ATP11B: variants seen among roughly 807,000 people sequenced by gnomAD.
ATP11B encodes phospholipid-transporting ATPase IF.
Under a neutral mutation model 157.8 loss-of-function variants are expected in ATP11B, and 81 were observed. The observed-to-expected ratio is 0.51, with a 90% CI of 0.43 to 0.62. ATP11B has a LOEUF of 0.62. Among genes scored for constraint, ATP11B ranks in the 20% least tolerant of loss-of-function variants. ATP11B has a pLI of 0.00. For missense variants in ATP11B, 1,165 were observed against 1,402.2 expected (o/e 0.83, Z 2.70); for synonymous variants, 451 against 469.4 (o/e 0.96, Z 0.51).
At chr3:182,844,994 A>T (rs9834610) in intron 8 of ATP11B, among the ~76,000 whole-genome samples, 69,559 of 109,696 alleles carry the variant, frequency 0.63, 20,730 homozygotes, top group Non-Finnish European at 0.71. Context: ...TTTTTTTTTT[A>T]TTTTTTTTTT....
At chr3:182,835,481 A>G (rs1718479355) in intron 4 of ATP11B, among the ~76,000 whole-genome samples, 1 of 152,220 alleles carries the variant, frequency 6.6e-6, no homozygotes, top group African/African-American at 2.4e-5. Context: ...ATTTCTGGCA[A>G]GAACAGCTTG....
At chr3:182,874,735 TA>T (rs1162311192) in intron 19 of ATP11B, among the ~76,000 whole-genome samples, 1 of 152,194 alleles carries the variant, frequency 6.6e-6, no homozygotes, top group African/African-American at 2.4e-5. Context: ...GAACCCCAAT[TA>T]AACAAAGTAC....
At chr3:182,815,414 A>G (rs1012315376) in intron 1 of ATP11B, among the ~76,000 whole-genome samples, 8 of 152,194 alleles carry the variant, frequency 5.3e-5, no homozygotes, top group African/African-American at 1.9e-4. Flanking sequence ...TCTAGGAAAT[A>G]GTAATTCACA....
chr3:182,862,600 T>G (rs1720927959), intron 12 of ATP11B, among the ~76,000 whole-genome samples: 2 of 152,176 alleles, frequency 1.3e-5, no homozygotes, highest in South Asian at 4.1e-4. Flanking sequence ...TCCTGATAGC[T>G]TGTATTTTCA....
At chr3:182,835,984 T>C in intron 4 of ATP11B, 51 bp from the exon 5 acceptor site, 2 of 1,451,610 alleles carry the variant, frequency 1.4e-6, no homozygotes, top group Non-Finnish European at 1.9e-6. Flanking sequence ...TTGATAAAAG[T>C]ATCTTCAAAT....
At chr3:182,826,808 A>T (rs1031509740) in intron 2 of ATP11B, among the ~76,000 whole-genome samples, 1 of 152,104 alleles carries the variant, frequency 6.6e-6, no homozygotes, top group Non-Finnish European at 1.5e-5. Flanking sequence ...AAGGTTGTTC[A>T]TGTGGGAAAC....
At chr3:182,915,767 C>G in intron 29 of ATP11B, 1 of 984,956 alleles carries the variant, frequency 1.0e-6, no homozygotes, top group Non-Finnish European at 1.2e-6. Context: ...TGAACCTGCC[C>G]CAGGAGTTAT....
intron 1 of ATP11B, among the ~76,000 whole-genome samples, chr3:182,811,360 C>T (rs1051368239): frequency 1.3e-5 from 2 of 152,110 alleles, no homozygotes; most frequent in South Asian, 2.1e-4. Context: ...GCAAACATGG[C>T]GTCTGGAAGT....
At chr3:182,862,908 A>G (rs933796119) in intron 12 of ATP11B, among the ~76,000 whole-genome samples, 2 of 147,924 alleles carry the variant, frequency 1.4e-5, no homozygotes, top group Non-Finnish European at 3.0e-5. Flanking sequence ...AAGTTGATCC[A>G]TTTATTTATT....
At chr3:182,818,808 C>T (rs866821952) in intron 1 of ATP11B, among the ~76,000 whole-genome samples, 1 of 151,170 alleles carries the variant, frequency 6.6e-6, no homozygotes, top group Admixed American at 6.6e-5. Flanking sequence ...TAAATTAGAG[C>T]GTTTACTAAT....
intron 1 of ATP11B, among the ~76,000 whole-genome samples, chr3:182,808,489 G>T (rs1560056237): frequency 6.6e-6 from 1 of 152,124 alleles, no homozygotes; most frequent in Non-Finnish European, 1.5e-5. Flanking sequence ...AAAAGCTGAA[G>T]TATCTTAGGA....
At chr3:182,870,369 T>C (rs1317208799) in intron 17 of ATP11B, among the ~76,000 whole-genome samples, 1 of 152,224 alleles carries the variant, frequency 6.6e-6, no homozygotes, top group East Asian at 1.9e-4. Context: ...GAATGTGTGC[T>C]CCACACTCAC....
chr3:182,849,486 C>T (rs1270282604), intron 10 of ATP11B, among the ~76,000 whole-genome samples: 6 of 152,062 alleles, frequency 3.9e-5, no homozygotes, highest in South Asian at 2.1e-4. Context: ...ATTTAGCAGA[C>T]GAGAACTTTA....
intron 8 of ATP11B, 75 bp from the exon 9 acceptor site, chr3:182,845,383 G>C: frequency 7.9e-7 from 1 of 1,264,046 alleles, no homozygotes; most frequent in Non-Finnish European, 1.1e-6. Flanking sequence ...AGTACCTTCT[G>C]CTGAAGATGC....
chr3:182,916,093 G>A (rs955154210), intron 29 of ATP11B: 5 of 985,126 alleles, frequency 5.1e-6, no homozygotes, highest in Admixed American at 6.2e-5. Flanking sequence ...CTTTTCAAGG[G>A]CTATGTGAAA....
Position 182,919,900 on chromosome 3 carries a change from A to G in ATP11B, c.*1796A>G, listed in dbSNP as rs145566858. 3.3e-3 allele frequency: 507 copies of G among 152,358 alleles called. 4 individuals are homozygous for G. The highest frequency in any genetic ancestry group is 0.012 in the African/African-American group (494 of 41,588). The allele number at this position is 152,358 out of a possible 1,614,324, so 9.4% of individuals were successfully genotyped here. ...GAAGATCTGTTATTCTGGAAGTACTAAAAAGAATAATACAACGTACAATGT... is the reference window on the plus strand; with the variant it reads ...GAAGATCTGTTATTCTGGAAGTACTGAAAAGAATAATACAACGTACAATGT... On this transcript the variant is annotated 3_prime_UTR_variant, in exon 30 of 30. Transcript: ENST00000323116.
intron 4 of ATP11B, among the ~76,000 whole-genome samples, chr3:182,835,256 A>G (rs1327978531): frequency 6.6e-6 from 1 of 152,182 alleles, no homozygotes; most frequent in Non-Finnish European, 1.5e-5. Context: ...TCAAGGGTCA[A>G]CTGTACTAAT....
Position 182,897,420 on chromosome 3 carries a change from T to C in ATP11B, c.3152+14T>C, listed in dbSNP as rs35968538. On this transcript the variant is annotated intron_variant, in intron 27 of 29. Coordinates refer to ENST00000323116, the MANE Select transcript of ATP11B (RefSeq NM_014616.3). ...AGGGATTCTCTGGTGAGTGAATATA[T>C]TGTATTTTAATTGGATTGCTTCAAC... The C allele has an allele frequency of 7.4e-6, 11 of 1,478,484 alleles. No homozygotes were observed. The African/African-American group carries it at 1.6e-4, about 21-fold the overall frequency. 91.6% of individuals were successfully genotyped at this position (1,478,484 alleles called of 1,614,324 possible). A position where few individuals can be genotyped will look rare whatever the true frequency, so the allele number is the denominator to read the frequency against.
At chr3:182,843,861 T>A (rs943059364) in intron 8 of ATP11B, 1 of 152,232 alleles carries the variant, frequency 6.6e-6, no homozygotes, top group Admixed American at 6.5e-5. Flanking sequence ...ATACCATACA[T>A]TCACATTGAT....
Sources: allele counts gnomAD v4.1 joint callset (sites outside exome capture counted in the v4.1 genomes callset), GRCh38; gene constraint gnomAD v4.1.1; transcripts MANE v1.5; gene names NCBI Gene and HGNC (gene_info 2026-07-23, HGNC 2026-07-21).